BLK: variants seen among roughly 807,000 people sequenced by gnomAD.
BLK encodes the protein BLK proto-oncogene, Src family tyrosine kinase, also known as tyrosine-protein kinase Blk.
BLK carries 64 observed loss-of-function variants against 61.8 expected under a neutral mutation model. That is an observed-to-expected ratio of 1.03 (90% CI 0.85 to 1.27). BLK has a LOEUF of 1.27. BLK is among the 50% of genes most tolerant of loss of function. The pLI is 0.00. For synonymous variants in BLK, 351 were observed against 272.0 expected (o/e 1.29, Z -2.86); for missense variants, 853 against 660.5 (o/e 1.29, Z -3.19).
chr8:11,526,126 C>G (rs950129963), intron 1 of BLK, among the ~76,000 whole-genome samples: 2 of 152,154 alleles, frequency 1.3e-5, no homozygotes, highest in African/African-American at 2.4e-5. Flanking sequence ...TCAAGAAATA[C>G]TAATGCCAAT....
intron 1 of BLK, among the ~76,000 whole-genome samples, chr8:11,531,096 G>A (rs1007697673): frequency 3.9e-5 from 6 of 152,066 alleles, no homozygotes; most frequent in East Asian, 1.9e-4. Flanking sequence ...AATGACTGAC[G>A]ACACCGAACA....
At chr8:11,557,702 A>G (rs1342634927) in intron 9 of BLK, among the ~76,000 whole-genome samples, 1 of 152,204 alleles carries the variant, frequency 6.6e-6, no homozygotes, top group African/African-American at 2.4e-5. Flanking sequence ...GACTTCAGAC[A>G]GGTCCCTGCA....
At chr8:11,541,821 C>T (rs938060744) in intron 1 of BLK, among the ~76,000 whole-genome samples, 3 of 152,144 alleles carry the variant, frequency 2.0e-5, no homozygotes, top group Non-Finnish European at 4.4e-5. Context: ...CTTATCCAAA[C>T]TTCTGAAACC....
Position 11,558,088 on chromosome 8 carries a change from C to T in BLK, c.1029+50C>T, listed in dbSNP as rs4841558. The T allele has an allele frequency of 0.58, 916,931 of 1,576,564 alleles. 275,910 individuals carry two copies. The highest frequency in any genetic ancestry group is 0.62 in the African/African-American group (45,924 of 74,164). On this transcript the variant is annotated intron_variant, in intron 10 of 12. Coordinates refer to ENST00000259089, the MANE Select transcript of BLK (RefSeq NM_001715.3). ...AAAGGGCGGCATGTGCCACCTGCTG[C>T]CCACAATGGCTGCTCGTGCCTTACC...
At chr8:11,516,939 CA>C (rs2117312644) in intron 1 of BLK, among the ~76,000 whole-genome samples, 1 of 152,348 alleles carries the variant, frequency 6.6e-6, no homozygotes, top group South Asian at 2.1e-4. Context: ...GATACACACC[CA>C]GAACTGGCAT....
chr8:11,507,250 C>T (rs1798809371), intron 1 of BLK, among the ~76,000 whole-genome samples: 1 of 152,206 alleles, frequency 6.6e-6, no homozygotes, highest in Non-Finnish European at 1.5e-5. Context: ...GACAGCTTGA[C>T]AACTAGTTAG....
At chr8:11,546,385 G>A (rs1047509610) in intron 3 of BLK, among the ~76,000 whole-genome samples, 1 of 152,234 alleles carries the variant, frequency 6.6e-6, no homozygotes, top group Non-Finnish European at 1.5e-5. Context: ...AAGACACACA[G>A]CATCATCAAA....
chr8:11,531,681 G>T (rs1457608876), intron 1 of BLK, among the ~76,000 whole-genome samples: 2 of 152,114 alleles, frequency 1.3e-5, no homozygotes, highest in African/African-American at 4.8e-5. Context: ...TGGTAGCCCA[G>T]TTACGTGTCT....
intron 2 of BLK, among the ~76,000 whole-genome samples, chr8:11,544,768 T>A (rs1284570493): frequency 2.0e-5 from 3 of 152,226 alleles, no homozygotes; most frequent in African/African-American, 7.2e-5. Context: ...GAAACATACA[T>A]GCACATCATT....
intron 1 of BLK, among the ~76,000 whole-genome samples, chr8:11,500,790 G>A (rs1798528288): frequency 6.6e-6 from 1 of 152,182 alleles, no homozygotes; most frequent in Non-Finnish European, 1.5e-5. Flanking sequence ...TGGGATTACA[G>A]GCATGAGTGA....
In BLK at chr8:11,543,238, G is replaced by A. The variant is rs371790094; in HGVS notation, c.14G>A (p.Ser5Asn). 1.9e-6 allele frequency: 3 copies of A among 1,613,830 alleles called. No homozygotes were observed. Among genetic ancestry groups the A allele is most frequent in the Non-Finnish European group, 2.5e-6 (3 of 1,180,014 alleles). The change falls in exon 2 of 13, where the codon AGT (serine) becomes AAT (asparagine). Residue 5 changes from serine to asparagine, a missense_variant. Ser to Asn is a conservative substitution (Grantham distance 46). Transcript: ENST00000259089. MGLVSSKKPDKEKPI... is the reference protein window; with the variant it reads MGLVNSKKPDKEKPI... ...GTCTCCGACAGGATGGGGCTGGTAAGTAGCAAAAAGCCGGACAAGGAAAAG... is the reference window on the plus strand; with the variant it reads ...GTCTCCGACAGGATGGGGCTGGTAAATAGCAAAAAGCCGGACAAGGAAAAG...
intron 1 of BLK, among the ~76,000 whole-genome samples, chr8:11,526,051 G>C (rs959387369): frequency 2.0e-5 from 3 of 152,178 alleles, no homozygotes; most frequent in Admixed American, 6.5e-5. Context: ...GGGATTACAG[G>C]TGTGAGCCAC....
intron 5 of BLK, chr8:11,549,856 T>C (rs1585399675): frequency 4.8e-6 from 2 of 415,020 alleles, no homozygotes; most frequent in East Asian, 1.1e-4. Flanking sequence ...GCAGCTGTGC[T>C]TTGGAGAGAG....
At chr8:11,546,805 A>C (rs1459112788) in intron 3 of BLK, among the ~76,000 whole-genome samples, 1 of 152,038 alleles carries the variant, frequency 6.6e-6, no homozygotes, top group African/African-American at 2.4e-5. Flanking sequence ...TAAACTCCTG[A>C]CCTCAGGTGA....
At chr8:11,522,682 A>G (rs1224309581) in intron 1 of BLK, among the ~76,000 whole-genome samples, 1 of 152,208 alleles carries the variant, frequency 6.6e-6, no homozygotes, top group Non-Finnish European at 1.5e-5. Context: ...CAGTAAAAAA[A>G]AAAAAAGCAC....
intron 1 of BLK, among the ~76,000 whole-genome samples, chr8:11,520,217 G>T (rs1275318173): frequency 6.6e-6 from 1 of 152,044 alleles, no homozygotes; most frequent in Non-Finnish European, 1.5e-5. Context: ...TGGCTCACAA[G>T]TGTAATCCCA....
At chr8:11,543,448 A>G in intron 2 of BLK, 101 bp downstream of exon 2, 2 of 1,500,816 alleles carry the variant, frequency 1.3e-6, no homozygotes, top group Admixed American at 1.9e-5. Flanking sequence ...CCTTCCTGAT[A>G]GGGATGTAAC....
At chr8:11,520,945 C>A (rs1016660437) in intron 1 of BLK, among the ~76,000 whole-genome samples, 1 of 151,842 alleles carries the variant, frequency 6.6e-6, no homozygotes, top group South Asian at 2.1e-4. Flanking sequence ...AAAATGAATG[C>A]AGGAATTCAT....
At chr8:11,551,461 A>C (rs1800900787) in intron 6 of BLK, among the ~76,000 whole-genome samples, 1 of 152,142 alleles carries the variant, frequency 6.6e-6, no homozygotes, top group African/African-American at 2.4e-5. Flanking sequence ...ACCTCATTTT[A>C]ACTTAATCAC....
Sources: gnomAD v4.1 joint callset for allele counts (sites outside exome capture counted in the v4.1 genomes callset) on GRCh38, gnomAD v4.1.1 for gene constraint, MANE v1.5 for transcripts, NCBI Gene and HGNC (gene_info 2026-07-23, HGNC 2026-07-21) for gene names.